The following AGBL1 variants were observed in gnomAD, a reference collection of about 807,000 sequenced individuals.
AGBL1 encodes cytosolic carboxypeptidase 4.
Under a neutral mutation model 118.9 loss-of-function variants are expected in AGBL1, and 130 were observed. The ratio of observed to expected loss-of-function variants is 1.09; its 90% CI spans 0.95 to 1.26. The LOEUF is 1.26. Ranked by LOEUF, AGBL1 falls within the 50% of genes most tolerant of loss-of-function variation. AGBL1 has a pLI of 0.00. For missense variants in AGBL1, 1,584 were observed against 1,298.1 expected, an observed-to-expected ratio of 1.22 and a Z score of -3.38; for synonymous variants, 555 against 478.9, an observed-to-expected ratio of 1.16 and a Z score of -2.08.
intron 18 of AGBL1, among the ~76,000 whole-genome samples, chr15:86,477,667 G>T (rs986710097): frequency 1.3e-5 from 2 of 152,172 alleles, no homozygotes; most frequent in Non-Finnish European, 2.9e-5. Flanking sequence ...CGAGGAGCTG[G>T]TAACATTCCT....
chr15:87,021,938 G>A (rs1020984206), intron 24 of AGBL1, among the ~76,000 whole-genome samples: 4 of 152,080 alleles, frequency 2.6e-5, no homozygotes, highest in African/African-American at 7.2e-5. Flanking sequence ...TGGTATTCAC[G>A]GCTGACAGAC....
At chr15:86,431,039 C>T (rs2081929582) in intron 18 of AGBL1, among the ~76,000 whole-genome samples, 1 of 152,140 alleles carries the variant, frequency 6.6e-6, no homozygotes. Context: ...AGTGGCGGAG[C>T]TGGGATTAGA....
intron 22 of AGBL1, among the ~76,000 whole-genome samples, chr15:86,818,079 G>A (rs1242113023): frequency 6.6e-6 from 1 of 151,906 alleles, no homozygotes; most frequent in Non-Finnish European, 1.5e-5. Context: ...TATTAAATAA[G>A]GCAAGTTTGT....
chr15:86,124,329 CAAA>C (rs71144030), intron 1 of AGBL1, among the ~76,000 whole-genome samples: 14 of 93,186 alleles, frequency 1.5e-4, no homozygotes, highest in African/African-American at 2.8e-4. Context: ...GACTCTGTCT[CAAA>C]AAAAAAAAAA....
chr15:86,404,626 G>C (rs2081496774), intron 18 of AGBL1, among the ~76,000 whole-genome samples: 1 of 152,120 alleles, frequency 6.6e-6, no homozygotes, highest in Non-Finnish European at 1.5e-5. Flanking sequence ...TTTTTCATTT[G>C]AACAAGTAAG....
downstream of AGBL1, chr15:87,029,058 C>G (rs2081762146): frequency 5.9e-6 from 3 of 509,432 alleles, no homozygotes; most frequent in Non-Finnish European, 1.0e-5. Flanking sequence ...CTATTTGGTT[C>G]ATAGTTCTCT....
chr15:86,482,995 C>T (rs986866884), intron 18 of AGBL1, among the ~76,000 whole-genome samples: 16 of 151,896 alleles, frequency 1.1e-4, no homozygotes, highest in African/African-American at 3.6e-4. Flanking sequence ...CAGAAACAGA[C>T]ACTTCAAGGG....
At chr15:86,748,859 A>T (rs1489527312) in intron 22 of AGBL1, among the ~76,000 whole-genome samples, 1 of 151,710 alleles carries the variant, frequency 6.6e-6, no homozygotes, top group Non-Finnish European at 1.5e-5. Context: ...GTTCTGTTCC[A>T]TTGGTCTATA....
chr15:86,454,557 A>G (rs2082237280), intron 18 of AGBL1, among the ~76,000 whole-genome samples: 1 of 152,214 alleles, frequency 6.6e-6, no homozygotes, highest in Non-Finnish European at 1.5e-5. Flanking sequence ...ATGAAATACT[A>G]TTCAGCAATA....
intron 21 of AGBL1, among the ~76,000 whole-genome samples, chr15:86,653,630 T>C (rs1486656895): frequency 1.3e-5 from 2 of 152,110 alleles, no homozygotes; most frequent in Non-Finnish European, 2.9e-5. Context: ...AATGGGTTGA[T>C]TCACCCTACC....
At chr15:86,184,853 A>G (rs1372890180) in intron 5 of AGBL1, among the ~76,000 whole-genome samples, 1 of 152,118 alleles carries the variant, frequency 6.6e-6, no homozygotes, top group African/African-American at 2.4e-5. Context: ...AAAGAACAGA[A>G]CTGGAGGCAT....
chr15:86,270,050 A>G lies in AGBL1; in HGVS notation c.1970A>G (p.Asn657Ser). Residue 657 changes from asparagine to serine, a missense_variant, in exon 14 of 23, where the codon AAC (asparagine) becomes AGC (serine). Physicochemically the swap from Asn to Ser is conservative, Grantham distance 46. Coordinates refer to ENST00000614907, the MANE Select transcript of AGBL1 (RefSeq NM_001386094.1). ...AACATCATCAACTGTGAGAAGCCCA[A>G]CAGCCAGTTTAATTATGGTATGAAC... ...HFNIINCEKPNSQFNYGMQPT... is the reference protein window; with the variant it reads ...HFNIINCEKPSSQFNYGMQPT... 1 of 1,612,276 alleles carries G rather than the reference A, an allele frequency of 6.2e-7. No individual in the cohort carries two copies. Among genetic ancestry groups the G allele is most frequent in the East Asian group, 2.2e-5 (1 of 44,858 alleles).
chr15:86,712,677 C>G (rs914712469), intron 22 of AGBL1, among the ~76,000 whole-genome samples: 6 of 152,158 alleles, frequency 3.9e-5, no homozygotes, highest in African/African-American at 1.4e-4. Flanking sequence ...GTTCAGAGGG[C>G]TATTCTATTA....
intron 21 of AGBL1, among the ~76,000 whole-genome samples, chr15:86,664,271 G>A (rs1016002868): frequency 3.9e-5 from 6 of 152,164 alleles, no homozygotes; most frequent in Non-Finnish European, 2.9e-5. Context: ...CAGCATGAAA[G>A]CATTAGAGTC....
intron 5 of AGBL1, among the ~76,000 whole-genome samples, chr15:86,195,403 T>C (rs190015985): frequency 6.6e-6 from 1 of 152,294 alleles, no homozygotes; most frequent in East Asian, 1.9e-4. Flanking sequence ...CATGTTGTAG[T>C]GTTTATTTTT....
intron 15 of AGBL1, among the ~76,000 whole-genome samples, chr15:86,274,046 G>C (rs1315761957): frequency 6.6e-6 from 1 of 152,076 alleles, no homozygotes; most frequent in Non-Finnish European, 1.5e-5. Flanking sequence ...TACCAGATTA[G>C]TTTATACATT....
chr15:86,608,983 G>A (rs1425011747), intron 21 of AGBL1, among the ~76,000 whole-genome samples: 1 of 152,102 alleles, frequency 6.6e-6, no homozygotes, highest in African/African-American at 2.4e-5. Context: ...AACACAAGGT[G>A]GCTATGTGGA....
At chr15:86,593,300 T>TA (rs964707477) in intron 21 of AGBL1, among the ~76,000 whole-genome samples, 1 of 151,614 alleles carries the variant, frequency 6.6e-6, no homozygotes, top group Non-Finnish European at 1.5e-5. Context: ...CCTTAGATTT[T>TA]TTTTTTTTTT....
chr15:86,101,993 G>A (rs992277351), intron 1 of AGBL1, among the ~76,000 whole-genome samples: 6 of 148,652 alleles, frequency 4.0e-5, no homozygotes, highest in African/African-American at 1.5e-4. Flanking sequence ...ATTGTGGTTT[G>A]GTGGTTTTCT....
Sources: gnomAD v4.1 joint callset for allele counts (sites outside exome capture counted in the v4.1 genomes callset) on GRCh38, gnomAD v4.1.1 for gene constraint, MANE v1.5 for transcripts, NCBI Gene and HGNC (gene_info 2026-07-23, HGNC 2026-07-21) for gene names.